Variants in FAS observed in about 807,000 individuals in gnomAD.
FAS encodes tumor necrosis factor receptor superfamily member 6.
Under a neutral mutation model 33.2 loss-of-function variants are expected in FAS, and 5 were observed. The ratio of observed to expected loss-of-function variants is 0.15; its 90% confidence interval spans 0.08 to 0.32. The LOEUF is 0.32. Among genes scored for constraint, FAS ranks in the 10% least tolerant of loss-of-function variants. FAS has a pLI of 1.00. For missense variants in FAS, 339 were observed against 386.0 expected, an observed-to-expected ratio of 0.88 and a Z score of 1.02; for synonymous variants, 131 against 130.7, an observed-to-expected ratio of 1.00 and a Z score of -0.01.
At chr10:88,973,643 A>G (rs1380079789) in intron 2 of FAS, 2 of 190,004 alleles carry the variant, frequency 1.1e-5, no homozygotes, top group African/African-American at 4.6e-5. Context: ...ACTAACCTCA[A>G]AGGGCCCTCA....
Position 88,997,150 on chromosome 10 carries a change from C to T in FAS, c.31-5879C>T, listed in dbSNP as rs1033546146. Among the ~76,000 whole-genome samples, 2 of 152,234 alleles carry T rather than the reference C, an allele frequency of 1.3e-5. 1 individual carries two copies. The highest frequency in any genetic ancestry group is 2.9e-5 in the Non-Finnish European group (2 of 68,034). ...CTGCTAACCTCAGATTCTGCTTCCT[C>T]TAACCTAGTTGCCCTGCAACTGTGA... On this transcript the variant is annotated intron_variant, in intron 1 of 8. Coordinates refer to ENST00000652046, the MANE Select transcript of FAS (RefSeq NM_000043.6).
chr10:89,005,094 G>A (rs1047501438), intron 2 of FAS, among the ~76,000 whole-genome samples: 1 of 148,680 alleles, frequency 6.7e-6, no homozygotes, highest in Non-Finnish European at 1.5e-5. Flanking sequence ...TAAAAGTTAA[G>A]TAGTAGGAAA....
chr10:88,973,126 T>C (rs1846486606), intron 1 of FAS: 1 of 1,517,792 alleles, frequency 6.6e-7, no homozygotes, highest in Admixed American at 2.1e-5. Flanking sequence ...TTTTAATTTT[T>C]CCTGGGCCTT....
upstream of FAS, among the ~76,000 whole-genome samples, chr10:88,988,034 G>A (rs1386962240): frequency 1.3e-5 from 2 of 152,088 alleles, no homozygotes; most frequent in Admixed American, 6.5e-5. Flanking sequence ...CTTTTTCATG[G>A]GTCTCCAGCC....
rs1848040037 is a variant in FAS at position 89,003,307 on chromosome 10, A to G, written c.196+113A>G. Reference sequence around the variant, plus strand: ...TTTTGGTTCCCCTATATTATATAACATAACTGAGAGAAAAACAACTATGAA... The same window carrying G: ...TTTTGGTTCCCCTATATTATATAACGTAACTGAGAGAAAAACAACTATGAA... On this transcript the variant is annotated intron_variant, in intron 2 of 8. Coordinates refer to ENST00000652046, the MANE Select transcript of FAS (RefSeq NM_000043.6). The G allele has an allele frequency of 2.1e-5, 24 of 1,123,218 alleles. No individual in the cohort carries two copies. In the South Asian group the frequency reaches 2.8e-4, roughly 13 times the overall value. 69.6% of individuals were successfully genotyped at this position (1,123,218 alleles called of 1,614,324 possible).
intron 1 of FAS, chr10:88,991,193 C>T: frequency 1.8e-6 from 1 of 564,052 alleles, no homozygotes; most frequent in Non-Finnish European, 3.2e-6. Context: ...TCCTCGGAGA[C>T]CACTGCGCTC....
chr10:88,994,746 C>T (rs1847480453), intron 1 of FAS, among the ~76,000 whole-genome samples: 1 of 151,542 alleles, frequency 6.6e-6, no homozygotes, highest in Non-Finnish European at 1.5e-5. Context: ...ATTTTTATCT[C>T]ATATTTTTTA....
intron 1 of FAS, among the ~76,000 whole-genome samples, chr10:88,996,953 T>C (rs910699414): frequency 2.1e-4 from 32 of 152,204 alleles, no homozygotes; most frequent in African/African-American, 7.5e-4. Flanking sequence ...TAGGACTCTA[T>C]AGCCCTTACA....
exon 2 of FAS, chr10:88,973,346 A>C: frequency 6.7e-7 from 1 of 1,500,944 alleles, no homozygotes; most frequent in Non-Finnish European, 8.9e-7. Flanking sequence ...GAAGGTGATT[A>C]GGTAATCCAA....
intron 8 of FAS, 73 bp downstream of exon 8, chr10:89,013,440 A>G (rs1848630479): frequency 8.7e-6 from 12 of 1,379,700 alleles, no homozygotes; most frequent in Non-Finnish European, 3.1e-6. Flanking sequence ...GAGTAAAATA[A>G]TGTTACTAAT....
intron 1 of FAS, among the ~76,000 whole-genome samples, chr10:88,970,697 C>T (rs1244802267): frequency 1.3e-5 from 2 of 152,058 alleles, no homozygotes; most frequent in Non-Finnish European, 2.9e-5. Flanking sequence ...GGAAGAGGAA[C>T]ATCACACACC....
At chr10:88,996,339 C>G (rs1407848970) in intron 1 of FAS, among the ~76,000 whole-genome samples, 1 of 151,476 alleles carries the variant, frequency 6.6e-6, no homozygotes, top group Non-Finnish European at 1.5e-5. Context: ...GGCCTATACT[C>G]ACAGAAAGAC....
chr10:88,977,447 C>G (rs555724109), intron 2 of FAS, among the ~76,000 whole-genome samples: 19 of 151,964 alleles, frequency 1.3e-4, no homozygotes, highest in Non-Finnish European at 2.4e-4. Context: ...TTGTTTTTCT[C>G]AGGTTTGTCA....
chr10:89,006,050 C>CTACTTATT, intron 2 of FAS, among the ~76,000 whole-genome samples: 1 of 152,298 alleles, frequency 6.6e-6, no homozygotes, highest in Non-Finnish European at 1.5e-5. Flanking sequence ...AATAAAACAA[C>CTACTTATT]TACTTATTTT....
At chr10:88,996,513 A>C (rs1847603763) in intron 1 of FAS, among the ~76,000 whole-genome samples, 1 of 152,208 alleles carries the variant, frequency 6.6e-6, no homozygotes, top group African/African-American at 2.4e-5. Flanking sequence ...AATAAGTTCA[A>C]GAGATCTAGT....
chr10:88,972,657 TACTC>T (rs761098919), intron 1 of FAS, among the ~76,000 whole-genome samples: 3 of 152,228 alleles, frequency 2.0e-5, no homozygotes, highest in Non-Finnish European at 4.4e-5. Context: ...CATCCTTAAA[TACTC>T]ACCATCTACT....
chr10:88,970,734 G>A (rs748861844), intron 1 of FAS, among the ~76,000 whole-genome samples: 4 of 152,070 alleles, frequency 2.6e-5, no homozygotes, highest in Non-Finnish European at 4.4e-5. Flanking sequence ...TGGGGAGAGC[G>A]GGGAGGGATA....
chr10:89,000,950 G>T (rs952447323), intron 1 of FAS, among the ~76,000 whole-genome samples: 1 of 152,246 alleles, frequency 6.6e-6, no homozygotes, highest in African/African-American at 2.4e-5. Flanking sequence ...GGAGGCTGAG[G>T]CAGGAGAATT....
chr10:88,972,627 G>A lies in FAS; in HGVS notation n.95-555G>A, dbSNP rs1320663260. Reference sequence around the variant, plus strand: ...CTTTTGGCATTATTTTTACAAAGTTGCTCTAGGGATTACAATATACATCCT... The same window carrying A: ...CTTTTGGCATTATTTTTACAAAGTTACTCTAGGGATTACAATATACATCCT... On this transcript the variant is annotated intron_variant and non_coding_transcript_variant, in intron 1 of 3. Coordinates refer to the FAS transcript ENST00000688239. Among the ~76,000 whole-genome samples, 5 of 151,324 alleles carry A rather than the reference G, an allele frequency of 3.3e-5. No individual in the cohort carries two copies. In the East Asian group the frequency reaches 9.6e-4, roughly 29 times the overall value.
Sources: gnomAD v4.1 joint callset for allele counts (sites outside exome capture counted in the v4.1 genomes callset) on GRCh38, gnomAD v4.1.1 for gene constraint, MANE v1.5 for transcripts, NCBI Gene and HGNC (gene_info 2026-07-23, HGNC 2026-07-21) for gene names.